Variants in NKAIN1 observed in about 807,000 individuals in gnomAD.
NKAIN1 encodes sodium/potassium-transporting ATPase subunit beta-1-interacting protein 1.
A neutral mutation model predicts 31.6 loss-of-function variants in NKAIN1; 13 were observed. The observed-to-expected ratio is 0.41, with a 90% CI of 0.27 to 0.65. The LOEUF is 0.65. Among genes scored for constraint, NKAIN1 ranks in the 30% least tolerant of loss-of-function variants. The probability of loss-of-function intolerance (pLI) is 0.30; values close to 1 mark genes in which losing one functional copy is unlikely to be tolerated. For missense variants in NKAIN1, 193 were observed against 262.2 expected, an observed-to-expected ratio of 0.74 and a Z score of 1.82; for synonymous variants, 104 against 109.0, an observed-to-expected ratio of 0.95 and a Z score of 0.28.
intron 1 of NKAIN1, among the ~76,000 whole-genome samples, chr1:31,203,957 C>T (rs185118095): frequency 1.3e-5 from 2 of 152,154 alleles, no homozygotes; most frequent in African/African-American, 4.8e-5. Flanking sequence ...AGCACACCCC[C>T]ATGAGTCTGC....
At chr1:31,218,289 C>A (rs942199643) in intron 1 of NKAIN1, among the ~76,000 whole-genome samples, 1 of 152,040 alleles carries the variant, frequency 6.6e-6, no homozygotes, top group African/African-American at 2.4e-5. Context: ...GTCTCGATCT[C>A]CTGACCTCAT....
At chr1:31,184,613 C>T (rs1645228437) in intron 3 of NKAIN1, among the ~76,000 whole-genome samples, 1 of 152,124 alleles carries the variant, frequency 6.6e-6, no homozygotes, top group Non-Finnish European at 1.5e-5. Context: ...AGAGGATCAG[C>T]CACTTGCCCA....
chr1:31,208,661 A>C (rs1450861408), intron 1 of NKAIN1, among the ~76,000 whole-genome samples: 1 of 151,528 alleles, frequency 6.6e-6, no homozygotes, highest in African/African-American at 2.4e-5. Flanking sequence ...CCTCTGATGT[A>C]AGTGCACAGT....
At chr1:31,197,104 CTTTTTT>C (rs922550782) in intron 1 of NKAIN1, among the ~76,000 whole-genome samples, 1 of 134,582 alleles carries the variant, frequency 7.4e-6, no homozygotes, top group East Asian at 2.1e-4. Context: ...TGGATTTTTA[CTTTTTT>C]TTTTTTTTTT....
chr1:31,190,935 G>A (rs539101127), intron 1 of NKAIN1, among the ~76,000 whole-genome samples: 26 of 152,314 alleles, frequency 1.7e-4, no homozygotes, highest in Admixed American at 3.9e-4. Context: ...ATCAGAGGAC[G>A]GAGGAGGCTG....
chr1:31,200,025 G>GCACACAAACACACACA (rs1645365443), intron 1 of NKAIN1, among the ~76,000 whole-genome samples: 1 of 49,320 alleles, frequency 2.0e-5, no homozygotes, highest in Non-Finnish European at 9.4e-5. Flanking sequence ...ACACACACAC[G>GCACACAAACACACACA]CACACACACA....
chr1:31,227,613 G>A (rs1645617690), intron 1 of NKAIN1, among the ~76,000 whole-genome samples: 1 of 150,510 alleles, frequency 6.6e-6, no homozygotes, highest in Admixed American at 6.6e-5. Flanking sequence ...TTATATACGG[G>A]GAAGCACAGC....
intron 1 of NKAIN1, among the ~76,000 whole-genome samples, chr1:31,232,420 TATATAGAGAG>T (rs1216976461): frequency 3.3e-4 from 10 of 30,052 alleles, no homozygotes; most frequent in African/African-American, 8.5e-4. Context: ...TATATATATA[TATATAGAGAG>T]AGAGAGAGAG....
chr1:31,224,973 AC>A (rs1208046634), intron 1 of NKAIN1, among the ~76,000 whole-genome samples: 1 of 150,688 alleles, frequency 6.6e-6, no homozygotes, highest in Non-Finnish European at 1.5e-5. Context: ...TGGATCAAAT[AC>A]CCTTGACTTA....
chr1:31,221,924 G>A (rs1004764890), intron 1 of NKAIN1, among the ~76,000 whole-genome samples: 2 of 151,742 alleles, frequency 1.3e-5, no homozygotes, highest in African/African-American at 4.8e-5. Flanking sequence ...TGTCACCCAG[G>A]CTGGAGTGCA....
intron 1 of NKAIN1, among the ~76,000 whole-genome samples, chr1:31,235,352 A>C (rs1300079121): frequency 6.6e-6 from 1 of 152,228 alleles, no homozygotes; most frequent in African/African-American, 2.4e-5. Flanking sequence ...TGATACACCA[A>C]AAAGAATTCT....
intron 1 of NKAIN1, among the ~76,000 whole-genome samples, chr1:31,206,600 T>C (rs949489535): frequency 6.6e-6 from 1 of 152,012 alleles, no homozygotes; most frequent in Admixed American, 6.6e-5. Context: ...TACACCTGGC[T>C]AATTTTTTGT....
In NKAIN1 at chr1:31,222,130, C is replaced by T. The variant is rs558240026; in HGVS notation, c.54+17364G>A. Among the ~76,000 whole-genome samples, 194 of 152,320 alleles carry T rather than the reference C, an allele frequency of 1.3e-3. 1 individual carries two copies. Among genetic ancestry groups the T allele is most frequent in the Middle Eastern group, 3.4e-3 (1 of 294 alleles). ...CTGACCTCAGGGAATCCACCCGCCT[C>T]GGCCTCTCAGTGTTGGGATTACAGG... On this transcript the variant is annotated intron_variant, in intron 1 of 6. Transcript: ENST00000373736.
intron 1 of NKAIN1, among the ~76,000 whole-genome samples, chr1:31,212,776 G>A (rs986248734): frequency 3.9e-5 from 6 of 152,012 alleles, no homozygotes; most frequent in Admixed American, 1.3e-4. Flanking sequence ...CGAGGTGGGC[G>A]GATCACAAGG....
In NKAIN1 at chr1:31,181,693, G is replaced by A. The variant is rs1570446179; in HGVS notation, c.*10C>T. 6.8e-7 allele frequency: 1 copy of A among 1,460,866 alleles called. No individual in the cohort carries two copies. The highest frequency in any genetic ancestry group is 9.1e-7 in the Non-Finnish European group (1 of 1,100,926). 90.5% of individuals were successfully genotyped at this position (1,460,866 alleles called of 1,614,324 possible). A position where few individuals can be genotyped will look rare whatever the true frequency, so the allele number is the denominator to read the frequency against. ...CAGGGCGAGGCGCCGGGGTGGGCGC[G>A]GGGCAGAGGCTACCCCGACCTGCGG... On this transcript the variant is annotated 3_prime_UTR_variant, in exon 7 of 7. Coordinates refer to ENST00000373736, the MANE Select transcript of NKAIN1 (RefSeq NM_024522.3).
chr1:31,206,542 C>A (rs1009416036), intron 1 of NKAIN1, among the ~76,000 whole-genome samples: 1 of 152,012 alleles, frequency 6.6e-6, no homozygotes, highest in South Asian at 2.1e-4. Context: ...CTCAAGTGAT[C>A]CTCCTGTCTC....
intron 1 of NKAIN1, among the ~76,000 whole-genome samples, chr1:31,217,631 G>A (rs1412835300): frequency 1.3e-5 from 2 of 152,190 alleles, no homozygotes; most frequent in Non-Finnish European, 2.9e-5. Context: ...ACCCACTGGG[G>A]GATCTTATTC....
At chr1:31,203,045 G>A (rs1168494482) in intron 1 of NKAIN1, among the ~76,000 whole-genome samples, 1 of 150,332 alleles carries the variant, frequency 6.7e-6, no homozygotes, top group Non-Finnish European at 1.5e-5. Flanking sequence ...AAGCCAAGGT[G>A]GGCGGACTCC....
intron 1 of NKAIN1, among the ~76,000 whole-genome samples, chr1:31,200,062 C>T (rs2377721): frequency 4.6e-5 from 7 of 151,702 alleles, no homozygotes; most frequent in Admixed American, 2.0e-4. Flanking sequence ...CACACGCACG[C>T]GCACGCACGA....
Sources: gnomAD v4.1 joint callset for allele counts (sites outside exome capture counted in the v4.1 genomes callset) on GRCh38, gnomAD v4.1.1 for gene constraint, MANE v1.5 for transcripts, NCBI Gene and HGNC (gene_info 2026-07-23, HGNC 2026-07-21) for gene names.